Variants in CA10 observed in about 807,000 individuals in gnomAD.
The protein encoded by CA10 is carbonic anhydrase 10 (inactive), also known as carbonic anhydrase-related protein 10.
CA10 carries 14 observed loss-of-function variants against 44.2 expected under a neutral mutation model. The observed-to-expected ratio is 0.32, with a 90% confidence interval of 0.21 to 0.50. The LOEUF is 0.50. Among genes scored for constraint, CA10 ranks in the 20% least tolerant of loss-of-function variants. CA10 has a pLI of 0.99. For synonymous variants in CA10, 159 were observed against 141.6 expected (o/e 1.12, Z -0.87); for missense variants, 350 against 409.7 (o/e 0.85, Z 1.26).
intron 2 of CA10, among the ~76,000 whole-genome samples, chr17:52,000,612 C>T (rs1490661680): frequency 5.9e-5 from 9 of 152,116 alleles, no homozygotes; most frequent in African/African-American, 1.9e-4. Flanking sequence ...ATAAAAATGG[C>T]TTGCTTGAAG....
At chr17:51,760,179 C>T (rs990746244) in intron 3 of CA10, among the ~76,000 whole-genome samples, 11 of 152,214 alleles carry the variant, frequency 7.2e-5, no homozygotes, top group Non-Finnish European at 1.2e-4. Flanking sequence ...TAACATTCCC[C>T]GTGTGGTCAT....
intron 4 of CA10, among the ~76,000 whole-genome samples, chr17:51,730,664 G>C (rs999050154): frequency 6.6e-6 from 1 of 152,012 alleles, no homozygotes; most frequent in Non-Finnish European, 1.5e-5. Context: ...CATATTAAAG[G>C]TCCACTGTAA....
intron 3 of CA10, among the ~76,000 whole-genome samples, chr17:51,919,659 CGTTT>C (rs2143969043): frequency 6.6e-6 from 1 of 151,616 alleles, no homozygotes; most frequent in East Asian, 1.9e-4. Flanking sequence ...TTTGATTGTT[CGTTT>C]GTTTTTGAGA....
intron 2 of CA10, among the ~76,000 whole-genome samples, chr17:52,055,101 T>C (rs879880824): frequency 6.6e-6 from 1 of 152,044 alleles, no homozygotes; most frequent in African/African-American, 2.4e-5. Context: ...AAAGATGATA[T>C]CCTAAAAAAG....
At chr17:51,839,563 G>T (rs1190138949) in intron 3 of CA10, among the ~76,000 whole-genome samples, 1 of 88,606 alleles carries the variant, frequency 1.1e-5, no homozygotes, top group Non-Finnish European at 2.3e-5. Context: ...GTTAAAAACA[G>T]AAATGAAGTA....
chr17:51,633,699 C>G (rs570217402), intron 7 of CA10, 49 bp from the exon 8 acceptor site: 2 of 1,586,366 alleles, frequency 1.3e-6, no homozygotes, highest in East Asian at 4.5e-5. Flanking sequence ...CTTAAATGCA[C>G]TAGGGAAGAA....
At chr17:51,978,901 T>TC (rs1984554182) in intron 2 of CA10, among the ~76,000 whole-genome samples, 1 of 152,098 alleles carries the variant, frequency 6.6e-6, no homozygotes, top group Admixed American at 6.6e-5. Flanking sequence ...TTCTTTCCTT[T>TC]CCATAGTAAC....
At chr17:51,944,627 A>G (rs1006693702) in intron 2 of CA10, among the ~76,000 whole-genome samples, 2 of 152,148 alleles carry the variant, frequency 1.3e-5, no homozygotes, top group African/African-American at 4.8e-5. Flanking sequence ...AATTTTAACA[A>G]TACAGCAAAT....
At chr17:52,045,330 C>T (rs974399910) in intron 2 of CA10, among the ~76,000 whole-genome samples, 2 of 151,090 alleles carry the variant, frequency 1.3e-5, no homozygotes, top group Non-Finnish European at 2.9e-5. Context: ...GTACTAAAAT[C>T]GTATAGAAAA....
At chr17:51,894,204 G>A (rs1240465099) in intron 3 of CA10, among the ~76,000 whole-genome samples, 1 of 151,956 alleles carries the variant, frequency 6.6e-6, no homozygotes, top group Non-Finnish European at 1.5e-5. Flanking sequence ...CAAAATTCTG[G>A]GGGACTCCAA....
chr17:52,010,880 A>G (rs1252039086), intron 2 of CA10, among the ~76,000 whole-genome samples: 1 of 151,762 alleles, frequency 6.6e-6, no homozygotes, highest in Non-Finnish European at 1.5e-5. Context: ...TAGATGTATC[A>G]TTAAGGTTTA....
intron 1 of CA10, among the ~76,000 whole-genome samples, chr17:52,090,777 A>T (rs1437339692): frequency 6.6e-6 from 1 of 152,150 alleles, no homozygotes; most frequent in Non-Finnish European, 1.5e-5. Context: ...AATTAAAATA[A>T]ATTCTGCCCA....
intron 4 of CA10, among the ~76,000 whole-genome samples, chr17:51,690,681 T>C (rs1276290747): frequency 2.0e-5 from 3 of 152,214 alleles, no homozygotes; most frequent in Non-Finnish European, 4.4e-5. Flanking sequence ...CCTTTGCTTC[T>C]CTTTCACCTT....
At chr17:51,893,770 T>C (rs1223334246) in intron 3 of CA10, among the ~76,000 whole-genome samples, 1 of 152,182 alleles carries the variant, frequency 6.6e-6, no homozygotes, top group Non-Finnish European at 1.5e-5. Flanking sequence ...AACAAGCAAT[T>C]GACCCAGTAA....
intron 3 of CA10, among the ~76,000 whole-genome samples, chr17:51,765,697 G>C (rs1905349990): frequency 6.9e-6 from 1 of 144,326 alleles, no homozygotes. Context: ...CTCCCTGTGT[G>C]TGTGTGTGTG....
intron 3 of CA10, among the ~76,000 whole-genome samples, chr17:51,856,882 G>A (rs1979070182): frequency 6.6e-6 from 1 of 152,126 alleles, no homozygotes. Context: ...AGAAGGAATT[G>A]GTATTCTAAA....
intron 3 of CA10, among the ~76,000 whole-genome samples, chr17:51,926,055 A>G (rs1982415698): frequency 6.6e-6 from 1 of 152,166 alleles, no homozygotes; most frequent in Admixed American, 6.6e-5. Context: ...ACTCAATGTC[A>G]CTGAACCATC....
intron 3 of CA10, among the ~76,000 whole-genome samples, chr17:51,878,464 A>T (rs1421716277): frequency 6.6e-6 from 1 of 152,072 alleles, no homozygotes; most frequent in Non-Finnish European, 1.5e-5. Context: ...ACCTGGCAGA[A>T]TCACAATCTG....
At chr17:51,891,564 T>C (rs1980857551) in intron 3 of CA10, among the ~76,000 whole-genome samples, 1 of 152,258 alleles carries the variant, frequency 6.6e-6, no homozygotes, top group South Asian at 2.1e-4. Flanking sequence ...GTACAGGGTT[T>C]ACGTTTTACT....
Sources: gnomAD v4.1 joint callset for allele counts (sites outside exome capture counted in the v4.1 genomes callset) on GRCh38, gnomAD v4.1.1 for gene constraint, MANE v1.5 for transcripts, NCBI Gene and HGNC (gene_info 2026-07-23, HGNC 2026-07-21) for gene names.